The following CD86 variants were observed in gnomAD, a reference collection of about 807,000 sequenced individuals.
The protein encoded by CD86 is CD86 molecule.
Under a neutral mutation model 32.1 loss-of-function variants are expected in CD86, and 11 were observed. The observed-to-expected ratio is 0.34, with a 90% CI of 0.22 to 0.57. CD86 has a LOEUF of 0.57. Among genes scored for constraint, CD86 ranks in the 20% least tolerant of loss-of-function variants. The pLI, the probability that CD86 is intolerant of heterozygous loss-of-function variation, is 0.86. For missense variants in CD86, 359 were observed against 398.4 expected (o/e 0.90, Z 0.84); for synonymous variants, 137 against 135.3 (o/e 1.01, Z -0.09).
chr3:122,106,224 C>A lies in CD86; in HGVS notation c.427C>A (p.Pro143Thr). ...TAACTTCAGTCAACCTGAAATAGTA[C>A]CAATTTCTAATATAACAGAAAATGT... ...LANFSQPEIV[P>T]ISNITENVYI... Residue 143 changes from proline (P) to threonine (T), a missense_variant, in exon 4 of 7, where the codon CCA becomes ACA. Coordinates refer to ENST00000330540, the MANE Select transcript of CD86 (RefSeq NM_175862.5). 6.2e-7 allele frequency: 1 copy of A among 1,608,042 alleles called. No homozygotes were observed. Among genetic ancestry groups the A allele is most frequent in the Non-Finnish European group, 8.5e-7 (1 of 1,177,472 alleles).
chr3:122,113,958 A>G (rs994353232), intron 5 of CD86, among the ~76,000 whole-genome samples: 1 of 152,138 alleles, frequency 6.6e-6, no homozygotes, highest in African/African-American at 2.4e-5. Context: ...TAACAATTAA[A>G]AGGTCTTTTA....
At chr3:122,070,947 GTTT>G (rs796641105) in intron 1 of CD86, among the ~76,000 whole-genome samples, 1 of 150,968 alleles carries the variant, frequency 6.6e-6, no homozygotes. Flanking sequence ...TAGCATGTGT[GTTT>G]TTTTTTAATT....
chr3:122,100,643 A>G (rs564853417), intron 2 of CD86, among the ~76,000 whole-genome samples: 3 of 152,298 alleles, frequency 2.0e-5, no homozygotes, highest in Admixed American at 2.0e-4. Context: ...AGGCTAGCAA[A>G]TTACAGTTTT....
chr3:122,096,909 T>A (rs2072917089), intron 2 of CD86, among the ~76,000 whole-genome samples: 1 of 152,260 alleles, frequency 6.6e-6, no homozygotes. Flanking sequence ...AATACCTGTG[T>A]ACCTCTAATT....
At chr3:122,084,535 AC>A (rs2107520344) in intron 1 of CD86, among the ~76,000 whole-genome samples, 1 of 152,254 alleles carries the variant, frequency 6.6e-6, no homozygotes, top group African/African-American at 2.4e-5. Context: ...TAGTTTGCTG[AC>A]CCCTGATCTA....
At chr3:122,105,682 G>T (rs891090942) in intron 3 of CD86, among the ~76,000 whole-genome samples, 1 of 152,078 alleles carries the variant, frequency 6.6e-6, no homozygotes, top group Non-Finnish European at 1.5e-5. Context: ...TCTGAATTTC[G>T]AATTCCAAAA....
intron 1 of CD86, among the ~76,000 whole-genome samples, chr3:122,083,701 T>C (rs1318037117): frequency 6.6e-6 from 1 of 152,194 alleles, no homozygotes. Flanking sequence ...GGAGATGCAC[T>C]GTCCAGTTTG....
rs1441849892 is a variant in CD86, at chr3:122,120,986, C to G, written c.*1452C>G. ...TGTTCCTTTATTTTATGTAAACCCTCAAGGGTTATAGACTGCCATGCTAGA... is the reference window on the plus strand; with the variant it reads ...TGTTCCTTTATTTTATGTAAACCCTGAAGGGTTATAGACTGCCATGCTAGA... On this transcript the variant is annotated 3_prime_UTR_variant, in exon 7 of 7. Coordinates refer to ENST00000330540, the MANE Select transcript of CD86 (RefSeq NM_175862.5). 1 of 152,224 alleles carries G rather than the reference C, an allele frequency of 6.6e-6. No individual in the cohort carries two copies. Among genetic ancestry groups the G allele is most frequent in the East Asian group, 1.9e-4 (1 of 5,198 alleles). The allele number at this position is 152,224 out of a possible 1,614,324, so 9.4% of individuals were successfully genotyped here.
intron 6 of CD86, 136 bp from the exon 7 acceptor site, chr3:122,119,300 CCA>C: frequency 1.5e-6 from 1 of 662,412 alleles, no homozygotes; most frequent in Non-Finnish European, 2.7e-6. Context: ...CTTGCTTTCT[CCA>C]CCTTTCTCTT....
intron 5 of CD86, among the ~76,000 whole-genome samples, chr3:122,115,212 A>G (rs2073231641): frequency 6.6e-6 from 1 of 152,194 alleles, no homozygotes; most frequent in Non-Finnish European, 1.5e-5. Flanking sequence ...ATTTCTATAT[A>G]CTAACAAAAG....
chr3:122,059,300 T>C (rs1263545564), intron 1 of CD86, among the ~76,000 whole-genome samples: 1 of 152,016 alleles, frequency 6.6e-6, no homozygotes, highest in Non-Finnish European at 1.5e-5. Flanking sequence ...TGGAAAACCT[T>C]GACATCTAAG....
intron 2 of CD86, among the ~76,000 whole-genome samples, chr3:122,101,517 T>A (rs2715255): frequency 0.14 from 4,853 of 34,764 alleles, 156 homozygotes; most frequent in Non-Finnish European, 0.25. Context: ...AAAAAAAATA[T>A]ATATATATAT....
intron 1 of CD86, among the ~76,000 whole-genome samples, chr3:122,063,612 A>G (rs66465183): frequency 4.3e-4 from 37 of 85,218 alleles, no homozygotes; most frequent in Non-Finnish European, 1.1e-4. Context: ...TTTTTTTTTT[A>G]AAGACAGAGT....
At chr3:122,055,755 G>A (rs2072224070) in intron 1 of CD86, among the ~76,000 whole-genome samples, 1 of 152,148 alleles carries the variant, frequency 6.6e-6, no homozygotes, top group Admixed American at 6.5e-5. Context: ...TTCAAATACT[G>A]AATGTTACAG....
intron 1 of CD86, among the ~76,000 whole-genome samples, chr3:122,069,850 C>T (rs73184008): frequency 0.01 from 1,588 of 152,236 alleles, 14 homozygotes; most frequent in Non-Finnish European, 0.016. Flanking sequence ...CCACTTGCTG[C>T]GGTTGTCACT....
chr3:122,060,382 G>A (rs574115294), intron 1 of CD86, among the ~76,000 whole-genome samples: 1 of 152,106 alleles, frequency 6.6e-6, no homozygotes, highest in African/African-American at 2.4e-5. Context: ...CAGAAAGTCT[G>A]GTGATAAAAT....
intron 1 of CD86, among the ~76,000 whole-genome samples, chr3:122,070,528 T>G (rs1482611158): frequency 6.6e-6 from 1 of 152,156 alleles, no homozygotes; most frequent in Non-Finnish European, 1.5e-5. Context: ...TATGTAAAAT[T>G]TGCTTTTAAA....
intron 2 of CD86, among the ~76,000 whole-genome samples, chr3:122,101,507 A>G (rs1271915766): frequency 1.3e-5 from 1 of 79,790 alleles, no homozygotes; most frequent in Non-Finnish European, 2.4e-5. Flanking sequence ...AAAAAAAAAA[A>G]AAAAAAATAT....
chr3:122,107,206 A>G (rs2073106059), intron 4 of CD86, among the ~76,000 whole-genome samples: 1 of 152,224 alleles, frequency 6.6e-6, no homozygotes, highest in Non-Finnish European at 1.5e-5. Flanking sequence ...TGTAAAATAA[A>G]TTATTGGGGT....
Sources: allele counts gnomAD v4.1 joint callset (sites outside exome capture counted in the v4.1 genomes callset), GRCh38; gene constraint gnomAD v4.1.1; transcripts MANE v1.5; gene names NCBI Gene and HGNC (gene_info 2026-07-23, HGNC 2026-07-21).